The following PTPRD variants were observed in gnomAD, a reference collection of about 807,000 sequenced individuals.
The protein encoded by PTPRD is receptor-type tyrosine-protein phosphatase delta.
Under a neutral mutation model 214.5 loss-of-function variants are expected in PTPRD, and 34 were observed. The ratio of observed to expected loss-of-function variants is 0.16; its 90% CI spans 0.12 to 0.21. The LOEUF (loss-of-function observed/expected upper bound fraction) is 0.21, where lower values mean the gene tolerates loss of function less well. Among genes scored for constraint, PTPRD ranks in the 10% least tolerant of loss-of-function variants. PTPRD has a pLI of 1.00. For synonymous variants in PTPRD, 1,128 were observed against 845.7 expected (o/e 1.33, Z -5.79); for missense variants, 2,545 against 2,398.7 (o/e 1.06, Z -1.27).
At chr9:9,084,196 T>C (rs180814375) in intron 10 of PTPRD, among the ~76,000 whole-genome samples, 11 of 152,244 alleles carry the variant, frequency 7.2e-5, no homozygotes, top group Non-Finnish European at 1.2e-4. Context: ...ATGTGGCACA[T>C]TTACACCATG....
In PTPRD at chr9:9,585,746, G is replaced by C. The variant is rs2091827999; in HGVS notation, c.-286-10965C>G. Among the ~76,000 whole-genome samples, 3 of 152,124 alleles carry C rather than the reference G, an allele frequency of 2.0e-5. No individual in the cohort carries two copies. The South Asian group carries it at 6.2e-4, about 32-fold the overall frequency. On this transcript the variant is annotated intron_variant, in intron 7 of 45. Transcript: ENST00000381196. The stretch of plus-strand genomic sequence containing the variant: ...AAGACCATCCAGATGTGAATACGTA[G>C]GTACTATTTATTTGCAGTTGGCTAT...
intron 21 of PTPRD, among the ~76,000 whole-genome samples, chr9:8,512,246 G>T (rs1309003232): frequency 6.6e-6 from 1 of 152,002 alleles, no homozygotes; most frequent in South Asian, 2.1e-4. Context: ...TCAAAACAAA[G>T]AGTCTGATGT....
intron 7 of PTPRD, among the ~76,000 whole-genome samples, chr9:9,600,963 G>GTATCTAAAA (rs1265958637): frequency 6.6e-6 from 1 of 151,906 alleles, no homozygotes; most frequent in African/African-American, 2.4e-5. Context: ...AAACCACCTG[G>GTATCTAAAA]CCATTGGTAA....
chr9:8,998,637 T>C (rs1171540293), intron 11 of PTPRD, among the ~76,000 whole-genome samples: 2 of 152,082 alleles, frequency 1.3e-5, no homozygotes, highest in African/African-American at 4.8e-5. Flanking sequence ...GATCAAGAAG[T>C]AATATCAACA....
chr9:9,302,499 T>A (rs1310251802), intron 9 of PTPRD, among the ~76,000 whole-genome samples: 1 of 151,852 alleles, frequency 6.6e-6, no homozygotes, highest in Non-Finnish European at 1.5e-5. Flanking sequence ...CCATGTAACT[T>A]GATTCCTGCT....
intron 8 of PTPRD, among the ~76,000 whole-genome samples, chr9:9,418,644 T>A (rs2142315905): frequency 6.6e-6 from 1 of 152,116 alleles, no homozygotes; most frequent in Non-Finnish European, 1.5e-5. Flanking sequence ...ATAGCATACA[T>A]ACTATTGGCT....
rs2136807558 is a variant in PTPRD at position 8,499,670 on chromosome 9, C to A, written c.2299G>T (p.Asp767Tyr). ...GEPKGQPMLK[D>Y]VMLADAQWEF... is the part of the protein sequence containing the mutation. Reference sequence around the variant, plus strand: ...ACCTGTGCATCAGCCAGCATGACATCTTTCAGCATGGGCTGGCCCTTGGGC... The same window carrying A: ...ACCTGTGCATCAGCCAGCATGACATATTTCAGCATGGGCTGGCCCTTGGGC... The change falls in exon 25 of 46, where the codon GAT becomes TAT. Residue 767 changes from aspartate to tyrosine, a missense_variant. Coordinates refer to ENST00000381196, the MANE Select transcript of PTPRD (RefSeq NM_002839.4). 2 of 1,613,720 alleles carry A rather than the reference C, an allele frequency of 1.2e-6. No individual in the cohort carries two copies. The highest frequency in any genetic ancestry group is 1.1e-5 in the South Asian group (1 of 90,970).
chr9:8,857,355 C>T (rs1197197044), intron 11 of PTPRD, among the ~76,000 whole-genome samples: 2 of 152,134 alleles, frequency 1.3e-5, no homozygotes, highest in African/African-American at 2.4e-5. Flanking sequence ...GAGCGGGGGT[C>T]GCACAAATAC....
intron 10 of PTPRD, among the ~76,000 whole-genome samples, chr9:9,099,918 A>G (rs1176333832): frequency 2.0e-5 from 3 of 152,152 alleles, no homozygotes; most frequent in South Asian, 2.1e-4. Flanking sequence ...TGAAAAGTCT[A>G]TATTTTAAGC....
chr9:9,705,949 G>T (rs2097594100), intron 7 of PTPRD, among the ~76,000 whole-genome samples: 1 of 152,068 alleles, frequency 6.6e-6, no homozygotes, highest in African/African-American at 2.4e-5. Context: ...ATAGACGATG[G>T]TCTACATAGC....
intron 7 of PTPRD, among the ~76,000 whole-genome samples, chr9:9,577,907 AT>A (rs1159691698): frequency 2.0e-5 from 3 of 151,698 alleles, no homozygotes; most frequent in Non-Finnish European, 4.4e-5. Context: ...TTAGCTGGGT[AT>A]GGTAGTGCAC....
chr9:8,609,866 TAAA>T (rs1317559432), intron 14 of PTPRD, among the ~76,000 whole-genome samples: 1 of 152,144 alleles, frequency 6.6e-6, no homozygotes, highest in Non-Finnish European at 1.5e-5. Flanking sequence ...ACAAATAATA[TAAA>T]GGAGAAAAAA....
intron 10 of PTPRD, among the ~76,000 whole-genome samples, chr9:9,163,940 C>T (rs1326065268): frequency 2.0e-5 from 3 of 152,158 alleles, no homozygotes; most frequent in Admixed American, 1.3e-4. Context: ...TCTTATGTTA[C>T]ATATCACTTC....
intron 4 of PTPRD, among the ~76,000 whole-genome samples, chr9:10,026,609 T>C (rs2096927697): frequency 6.6e-6 from 1 of 152,146 alleles, no homozygotes; most frequent in Non-Finnish European, 1.5e-5. Flanking sequence ...GTTACAATAA[T>C]ACACCTGCCA....
intron 3 of PTPRD, among the ~76,000 whole-genome samples, chr9:10,190,456 G>A (rs1006705374): frequency 2.3e-4 from 31 of 136,454 alleles, no homozygotes; most frequent in African/African-American, 8.4e-4. Context: ...TGTGGCTTAT[G>A]CCTGTAATCC....
chr9:9,030,349 C>A (rs1034859881), intron 10 of PTPRD, among the ~76,000 whole-genome samples: 1 of 124,118 alleles, frequency 8.1e-6, no homozygotes, highest in East Asian at 2.7e-4. Context: ...AGTAAGTATA[C>A]CTATCAAATA....
chr9:8,818,897 C>G (rs969638187), intron 11 of PTPRD, among the ~76,000 whole-genome samples: 6 of 152,150 alleles, frequency 3.9e-5, no homozygotes, highest in African/African-American at 1.4e-4. Flanking sequence ...AACAATTACT[C>G]CCGAAGAGTT....
intron 2 of PTPRD, among the ~76,000 whole-genome samples, chr9:10,495,240 G>A (rs1275084491): frequency 6.6e-6 from 1 of 151,734 alleles, no homozygotes; most frequent in Non-Finnish European, 1.5e-5. Flanking sequence ...AGAATTAAAG[G>A]AGTGCACTTG....
intron 11 of PTPRD, among the ~76,000 whole-genome samples, chr9:8,944,674 C>T (rs2099053082): frequency 6.6e-6 from 1 of 152,000 alleles, no homozygotes; most frequent in Admixed American, 6.6e-5. Flanking sequence ...TGCATGTTCA[C>T]ACTCATTTGT....
Sources: allele counts gnomAD v4.1 joint callset (sites outside exome capture counted in the v4.1 genomes callset), GRCh38; gene constraint gnomAD v4.1.1; transcripts MANE v1.5; gene names NCBI Gene and HGNC (gene_info 2026-07-23, HGNC 2026-07-21).